Variants in GALNT8 observed in about 807,000 individuals in gnomAD.
GALNT8 encodes polypeptide N-acetylgalactosaminyltransferase 8.
A neutral mutation model predicts 62.7 loss-of-function variants in GALNT8; 66 were observed. The ratio of observed to expected loss-of-function variants is 1.05; its 90% CI spans 0.86 to 1.29. The LOEUF (loss-of-function observed/expected upper bound fraction) is 1.29, where lower values mean the gene tolerates loss of function less well. GALNT8 is among the 50% of genes most tolerant of loss of function. The pLI, the probability that GALNT8 is intolerant of heterozygous loss-of-function variation, is 0.00. For missense variants in GALNT8, 771 were observed against 791.8 expected (o/e 0.97, Z 0.32); for synonymous variants, 288 against 294.3 (o/e 0.98, Z 0.22).
intron 10 of GALNT8, among the ~76,000 whole-genome samples, chr12:4,769,328 G>A (rs1038619269): frequency 2.6e-5 from 4 of 152,152 alleles, no homozygotes; most frequent in African/African-American, 7.2e-5. Flanking sequence ...ACTTGCCCAC[G>A]TGTAGGAAAA....
At chr12:4,734,858 C>G (rs988697105) in intron 2 of GALNT8, among the ~76,000 whole-genome samples, 2 of 152,226 alleles carry the variant, frequency 1.3e-5, no homozygotes, top group East Asian at 3.9e-4. Context: ...CTGGCATTCA[C>G]CTGCATTTTG....
At chr12:4,772,088 G>A (rs1946427164) in intron 10 of GALNT8, among the ~76,000 whole-genome samples, 1 of 152,216 alleles carries the variant, frequency 6.6e-6, no homozygotes, top group Admixed American at 6.5e-5. Flanking sequence ...GGTCTCATGG[G>A]GTCAGGGGTG....
intron 7 of GALNT8, among the ~76,000 whole-genome samples, chr12:4,761,557 T>C (rs982107184): frequency 2.0e-5 from 3 of 152,106 alleles, no homozygotes; most frequent in African/African-American, 4.8e-5. Flanking sequence ...TGTGGGGTGG[T>C]AGGAGAAGGC....
At chr12:4,763,464 T>A (rs187365594) in intron 8 of GALNT8, 74 bp downstream of exon 8, 1 of 1,254,746 alleles carries the variant, frequency 8.0e-7, no homozygotes, top group African/African-American at 1.5e-5. Context: ...AATCTCGTGA[T>A]TGCCTGTCCT....
At chr12:4,744,729 GA>G in intron 4 of GALNT8, 29 bp downstream of exon 4, 1 of 1,515,244 alleles carries the variant, frequency 6.6e-7, no homozygotes, top group Admixed American at 1.7e-5. Flanking sequence ...AGTTCTTCTG[GA>G]AAGGGCAGAG....
In GALNT8 at chr12:4,720,507, G is replaced by C. The variant is rs542105759; in HGVS notation, c.-171G>C. 1.7e-6 allele frequency: 1 copy of C among 605,946 alleles called. No individual in the cohort carries two copies. Among genetic ancestry groups the C allele is most frequent in the African/African-American group, 1.9e-5 (1 of 53,958 alleles). 37.5% of individuals were successfully genotyped at this position (605,946 alleles called of 1,614,324 possible). On this transcript the variant is annotated 5_prime_UTR_variant, in exon 1 of 11. Transcript: ENST00000252318. Reference sequence around the variant, plus strand: ...ACAAAGAAGGCAATAAGGAGACTTTGCTCCTCAGAGGCCACCCGTGGCTTC... The same window carrying C: ...ACAAAGAAGGCAATAAGGAGACTTTCCTCCTCAGAGGCCACCCGTGGCTTC...
chr12:4,771,398 G>A (rs1016268353), intron 10 of GALNT8, among the ~76,000 whole-genome samples: 4 of 152,142 alleles, frequency 2.6e-5, no homozygotes, highest in African/African-American at 7.2e-5. Flanking sequence ...GTTGGGGCTG[G>A]GGGGAGTCCA....
At chr12:4,723,869 G>A (rs1946182215) in intron 1 of GALNT8, among the ~76,000 whole-genome samples, 2 of 151,430 alleles carry the variant, frequency 1.3e-5, no homozygotes, top group South Asian at 4.2e-4. Flanking sequence ...ATCAGAAGTC[G>A]GCCGGGCGCG....
intron 2 of GALNT8, among the ~76,000 whole-genome samples, chr12:4,736,420 T>C (rs1483674959): frequency 6.6e-6 from 1 of 152,004 alleles, no homozygotes; most frequent in African/African-American, 2.4e-5. Flanking sequence ...GCTACCAGTA[T>C]GTGGGTCAAA....
chr12:4,722,621 A>G (rs1946176043), intron 1 of GALNT8, among the ~76,000 whole-genome samples: 1 of 152,204 alleles, frequency 6.6e-6, no homozygotes. Context: ...CAACTTCAGC[A>G]AGGGAAGCAG....
chr12:4,765,541 A>G lies in GALNT8; in HGVS notation c.1756A>G (p.Lys586Glu). 1 of 1,600,424 alleles carries G rather than the reference A, an allele frequency of 6.2e-7. No individual in the cohort carries two copies. The change falls in exon 10 of 11, where the codon AAA becomes GAA. Residue 586 changes from lysine to glutamate, a missense_variant. Coordinates refer to ENST00000252318, the MANE Select transcript of GALNT8 (RefSeq NM_017417.2). ...TAGACTGCATATATATTGGGATTTT[A>G]AACCGGTGAGTTATGTGTTTTTGTT... ...KNRLHIYWDFKPGGAVINRDT... is the reference protein window; with the variant it reads ...KNRLHIYWDFEPGGAVINRDT...
At position 4,765,492 on chromosome 12, in the gene GALNT8, A is replaced by G; in HGVS notation, c.1707A>G (p.Glu569=). Residue 569 remains glutamate, a synonymous_variant, in exon 10 of 11, where the codon GAA becomes GAG. Transcript: ENST00000252318. ...DPGKAEKPTL[E]PCSKAAKNRL... ...GCAAGGCGGAGAAGCCCACCTTAGA[A>G]CCATGCTCCAAGGCAGCTAAGAATA... 1 of 1,611,758 alleles carries G rather than the reference A, an allele frequency of 6.2e-7. No individual in the cohort carries two copies. The highest frequency in any genetic ancestry group is 1.1e-5 in the South Asian group (1 of 90,908).
In GALNT8 at chr12:4,744,594, C is replaced by T. The variant is rs1946287726; in HGVS notation, c.754C>T (p.His252Tyr). The change falls in exon 4 of 11, where the codon CAT becomes TAT. Residue 252 changes from histidine to tyrosine, a missense_variant. His to Tyr is a moderately conservative substitution (Grantham distance 83, BLOSUM62 2). Transcript: ENST00000252318. Reference sequence around the variant, plus strand: ...TCCAGGACTACTGAAAATAATACGGCATCCTGAAAGGAAAGGTCTTGCTCA... The same window carrying T: ...TCCAGGACTACTGAAAATAATACGGTATCCTGAAAGGAAAGGTCTTGCTCA... Reference protein sequence around the residue: ...KYPGLLKIIRHPERKGLAQAR... With the variant: ...KYPGLLKIIRYPERKGLAQAR... 1.2e-6 allele frequency: 2 copies of T among 1,612,294 alleles called. No individual in the cohort carries two copies. The highest frequency in any genetic ancestry group is 1.7e-6 in the Non-Finnish European group (2 of 1,178,416).
At chr12:4,745,189 G>A (rs574703080) in intron 4 of GALNT8, among the ~76,000 whole-genome samples, 3 of 152,260 alleles carry the variant, frequency 2.0e-5, no homozygotes, top group Admixed American at 6.5e-5. Context: ...CGGCCTGGGG[G>A]TGTTACCTGG....
intron 2 of GALNT8, among the ~76,000 whole-genome samples, chr12:4,733,438 G>A (rs1309104684): frequency 2.6e-5 from 4 of 152,164 alleles, no homozygotes; most frequent in South Asian, 2.1e-4. Flanking sequence ...TGTCGTGAAA[G>A]CATTTCAAAT....
intron 6 of GALNT8, among the ~76,000 whole-genome samples, chr12:4,752,511 C>T (rs1420757900): frequency 6.8e-6 from 1 of 147,014 alleles, no homozygotes; most frequent in East Asian, 2.0e-4. Flanking sequence ...ACACTATTTG[C>T]ATAAACAGAC....
At chr12:4,764,460 T>C (rs1385664043) in intron 9 of GALNT8, among the ~76,000 whole-genome samples, 1 of 150,220 alleles carries the variant, frequency 6.7e-6, no homozygotes. Flanking sequence ...CTAGAGAGGA[T>C]AGAGGCTGAG....
chr12:4,743,770 T>G (rs1946282722), intron 3 of GALNT8, among the ~76,000 whole-genome samples: 1 of 152,252 alleles, frequency 6.6e-6, no homozygotes, highest in Non-Finnish European at 1.5e-5. Context: ...CAGAATTAAC[T>G]GAATTAATTT....
chr12:4,763,444 A>G (rs1421052055), intron 8 of GALNT8, 54 bp downstream of exon 8: 5 of 1,454,864 alleles, frequency 3.4e-6, no homozygotes, highest in African/African-American at 1.4e-5. Context: ...GTGAAAGACA[A>G]TGCGGCCTGA....
Sources: allele counts gnomAD v4.1 joint callset (sites outside exome capture counted in the v4.1 genomes callset), GRCh38; gene constraint gnomAD v4.1.1; transcripts MANE v1.5; gene names NCBI Gene and HGNC (gene_info 2026-07-23, HGNC 2026-07-21).